The following CUX1 variants were observed in gnomAD, a reference collection of about 807,000 sequenced individuals.
CUX1 encodes protein CASP.
A neutral mutation model predicts 158.8 loss-of-function variants in CUX1; 31 were observed. That is an observed-to-expected ratio of 0.20 (90% CI 0.15 to 0.26). The LOEUF is 0.26. Ranked by LOEUF, CUX1 falls within the 10% of genes least tolerant of loss-of-function variation. The probability of loss-of-function intolerance (pLI) is 1.00; values close to 1 mark genes in which losing one functional copy is unlikely to be tolerated. For synonymous variants in CUX1, 879 were observed against 862.1 expected (o/e 1.02, Z -0.34); for missense variants, 1,589 against 2,014.6 (o/e 0.79, Z 4.04).
chr7:102,151,860 C>T (rs1315224836), intron 8 of CUX1, among the ~76,000 whole-genome samples: 3 of 150,386 alleles, frequency 2.0e-5, no homozygotes, highest in East Asian at 3.9e-4. Context: ...ATCGCACTTA[C>T]TCAGCTAGTT....
chr7:101,854,190 A>G (rs986016384), intron 1 of CUX1, among the ~76,000 whole-genome samples: 1 of 152,288 alleles, frequency 6.6e-6, no homozygotes, highest in South Asian at 2.1e-4. Flanking sequence ...AAATGTGTGC[A>G]TGGGGCAAGG....
rs1174666059 is a variant in CUX1, at chr7:102,257,393, C to T, written c.*8351C>T. Reference sequence around the variant, plus strand: ...CCTCTTCCCTTGAGAAAACGGGCATCTCACGTACCCCCATCTGAGACCTCT... The same window carrying T: ...CCTCTTCCCTTGAGAAAACGGGCATTTCACGTACCCCCATCTGAGACCTCT... On this transcript the variant is annotated 3_prime_UTR_variant, in exon 24 of 24. Transcript: ENST00000292535. The T allele has an allele frequency of 6.1e-6, 6 of 984,710 alleles. No homozygotes were observed. The highest frequency in any genetic ancestry group is 7.2e-6 in the Non-Finnish European group (6 of 829,830). 61.0% of individuals were successfully genotyped at this position (984,710 alleles called of 1,614,324 possible). A position where few individuals can be genotyped will look rare whatever the true frequency, so the allele number is the denominator to read the frequency against.
chr7:101,909,015 G>C lies in CUX1; in HGVS notation c.31-7100G>C, dbSNP rs1225014336. ...AATCCCAGCACTTAGGGAGGCTGAG[G>C]TGGGAGGATCACTTGAGGCCAGGAG... On this transcript the variant is annotated intron_variant, in intron 1 of 23. Coordinates refer to ENST00000292535, the MANE Select transcript of CUX1 (RefSeq NM_181552.4). 3.3e-5 allele frequency among the ~76,000 whole-genome samples: 5 copies of C among 152,322 alleles called. No individual in the cohort carries two copies. In the East Asian group the frequency reaches 9.7e-4, roughly 29 times the overall value.
In CUX1 at chr7:102,248,964, G is replaced by T; in HGVS notation, c.4440G>T (p.Lys1480Asn). 6.7e-7 allele frequency: 1 copy of T among 1,483,154 alleles called. No individual in the cohort carries two copies. 91.9% of individuals were successfully genotyped at this position (1,483,154 alleles called of 1,614,324 possible). A position where few individuals can be genotyped will look rare whatever the true frequency, so the allele number is the denominator to read the frequency against. The change falls in exon 24 of 24, where the codon AAG (lysine) becomes AAT (asparagine). Residue 1480 changes from lysine to asparagine, a missense_variant. Lys to Asn is a moderately conservative substitution (Grantham distance 94). Coordinates refer to ENST00000292535, the MANE Select transcript of CUX1 (RefSeq NM_181552.4). The surrounding 1 kb of genome is among the most constrained non-coding windows in gnomAD (Gnocchi z 5.8). ...DSRDNPLRKK[K>N]AANLNSIIHR... Reference sequence around the variant, plus strand: ...GCGACAACCCCCTGCGCAAGAAGAAGGCCGCGAACTTGAACAGCATCATCC... The same window carrying T: ...GCGACAACCCCCTGCGCAAGAAGAATGCCGCGAACTTGAACAGCATCATCC...
At chr7:101,890,303 T>G (rs1422035243) in intron 1 of CUX1, among the ~76,000 whole-genome samples, 1 of 151,258 alleles carries the variant, frequency 6.6e-6, no homozygotes, top group African/African-American at 2.5e-5. Context: ...GGGATGAGAG[T>G]GGGCTGGCCA....
rs1830096398 is a variant in CUX1, at chr7:102,104,240, C to T, written c.407-96C>T. 1.2e-5 allele frequency: 15 copies of T among 1,251,772 alleles called. No individual in the cohort carries two copies. In the East Asian group the frequency reaches 3.6e-4, roughly 30 times the overall value. 77.5% of individuals were successfully genotyped at this position (1,251,772 alleles called of 1,614,324 possible). ...AGAGTTGAAGAGCTAAGGTTTAAAA[C>T]ACACCGATCCTACCAGGTTATGAGA... On this transcript the variant is annotated intron_variant, in intron 5 of 23. Coordinates refer to ENST00000292535, the MANE Select transcript of CUX1 (RefSeq NM_181552.4).
At chr7:102,283,167 C>T (rs1325646958) in exon 23 of CUX1, 2 of 1,211,046 alleles carry the variant, frequency 1.7e-6, no homozygotes, top group Non-Finnish European at 2.4e-6. Context: ...CACTTAGACT[C>T]CCCTGAAGAA....
At chr7:101,981,129 G>A (rs1438360061) in intron 2 of CUX1, among the ~76,000 whole-genome samples, 1 of 152,042 alleles carries the variant, frequency 6.6e-6, no homozygotes, top group African/African-American at 2.4e-5. Context: ...TCCTGAACAG[G>A]GAGAGGTCCT....
chr7:101,950,817 C>T (rs1251767083), intron 2 of CUX1, among the ~76,000 whole-genome samples: 3 of 152,160 alleles, frequency 2.0e-5, no homozygotes, highest in South Asian at 2.1e-4. Context: ...TCCCAAAGTG[C>T]TGGGATTACA....
chr7:102,212,861 T>G (rs2268030), intron 20 of CUX1, among the ~76,000 whole-genome samples: 3 of 152,230 alleles, frequency 2.0e-5, no homozygotes, highest in African/African-American at 7.2e-5. Flanking sequence ...TGTGTACATG[T>G]GTGAGAGGGA....
chr7:102,095,854 T>C (rs1554483933), intron 4 of CUX1, among the ~76,000 whole-genome samples: 1 of 152,200 alleles, frequency 6.6e-6, no homozygotes, highest in East Asian at 1.9e-4. Context: ...TGACGGAGCC[T>C]GAGAATTCCA....
intron 2 of CUX1, among the ~76,000 whole-genome samples, chr7:101,971,167 G>C (rs1811901278): frequency 6.6e-6 from 1 of 152,250 alleles, no homozygotes; most frequent in African/African-American, 2.4e-5. Context: ...CAAGGGTTGA[G>C]CTCATATTGA....
At chr7:101,898,939 G>A (rs928770407) in intron 1 of CUX1, among the ~76,000 whole-genome samples, 5 of 152,228 alleles carry the variant, frequency 3.3e-5, no homozygotes, top group Non-Finnish European at 7.3e-5. Flanking sequence ...ATACTGAGTG[G>A]CGTGGAAGGC....
At chr7:101,944,926 G>A (rs1808195285) in intron 2 of CUX1, among the ~76,000 whole-genome samples, 2 of 152,192 alleles carry the variant, frequency 1.3e-5, no homozygotes, top group South Asian at 4.1e-4. Context: ...TCTGAAGCAA[G>A]GTGTTGCAAT....
chr7:102,181,036 T>C (rs111998532), intron 11 of CUX1, among the ~76,000 whole-genome samples: 1 of 151,252 alleles, frequency 6.6e-6, no homozygotes, highest in Admixed American at 6.6e-5. Flanking sequence ...CTGCCTCCCA[T>C]GTTCAAGTGA....
chr7:102,212,193 GC>G (rs1260770267), intron 20 of CUX1, among the ~76,000 whole-genome samples: 4 of 152,150 alleles, frequency 2.6e-5, no homozygotes, highest in African/African-American at 9.7e-5. Context: ...TCCTAGGACA[GC>G]CCTGCCTGGG....
intron 9 of CUX1, among the ~76,000 whole-genome samples, chr7:102,168,912 TA>T (rs1563341711): frequency 0.046 from 5,508 of 118,898 alleles, 283 homozygotes; most frequent in African/African-American, 0.11. Context: ...TCTTTTCTTT[TA>T]TTTTCTTTTC....
rs1445877477 is a variant in CUX1, at chr7:102,170,518, C to T, written c.796C>T (p.Leu266=). The change falls in exon 10 of 24, where the codon CTG becomes TTG. Residue 266 remains leucine, a synonymous_variant. Transcript: ENST00000292535. ...QLSSANHSLQ[L]ASQIQKAPDV... ...CTCATCGGCCAATCACTCCCTCCAG[C>T]TGGCCTCACAGATCCAGAAGGCACC... The T allele has an allele frequency of 1.3e-6, 2 of 1,587,704 alleles. No homozygotes were observed. The highest frequency in any genetic ancestry group is 1.7e-6 in the Non-Finnish European group (2 of 1,166,570).
intron 9 of CUX1, among the ~76,000 whole-genome samples, chr7:102,159,719 G>C (rs1304658891): frequency 6.6e-6 from 1 of 151,870 alleles, no homozygotes; most frequent in Admixed American, 6.6e-5. Context: ...AATTTAGCAA[G>C]GCGTGGTGGC....
Sources: gnomAD v4.1 joint callset for allele counts (sites outside exome capture counted in the v4.1 genomes callset) on GRCh38, gnomAD v4.1.1 for gene constraint, Gnocchi (gnomAD v3.1) non-coding constraint, MANE v1.5 for transcripts, NCBI Gene and HGNC (gene_info 2026-07-23, HGNC 2026-07-21) for gene names.